Variants in SLC25A48 observed in about 807,000 individuals in gnomAD.
SLC25A48 encodes CTC-321K16.1.
SLC25A48 carries 29 observed loss-of-function variants against 32.2 expected under a neutral mutation model. The ratio of observed to expected loss-of-function variants is 0.90; its 90% CI spans 0.67 to 1.23. The LOEUF is 1.23. Ranked by LOEUF, SLC25A48 falls within the 50% of genes most tolerant of loss-of-function variation. The probability of loss-of-function intolerance (pLI) is 0.00; values close to 1 mark genes in which losing one functional copy is unlikely to be tolerated. For synonymous variants in SLC25A48, 164 were observed against 172.3 expected, an observed-to-expected ratio of 0.95 and a Z score of 0.38; for missense variants, 399 against 422.7, an observed-to-expected ratio of 0.94 and a Z score of 0.49.
At chr5:135,774,520 G>C (rs1255154584) in intron 3 of SLC25A48, among the ~76,000 whole-genome samples, 1 of 151,650 alleles carries the variant, frequency 6.6e-6, no homozygotes, top group African/African-American at 2.4e-5. Flanking sequence ...CATGCCCCCT[G>C]TGATATATTT....
chr5:135,840,024 G>T (rs1355056971), intron 1 of SLC25A48, among the ~76,000 whole-genome samples: 2 of 152,192 alleles, frequency 1.3e-5, no homozygotes, highest in Non-Finnish European at 2.9e-5. Flanking sequence ...AGCAGCATGA[G>T]AACAAACTAA....
At chr5:135,760,760 G>T (rs1000199223) in intron 3 of SLC25A48, among the ~76,000 whole-genome samples, 33 of 152,252 alleles carry the variant, frequency 2.2e-4, no homozygotes, top group African/African-American at 5.8e-4. Context: ...TTGAAGGAAA[G>T]AATTAATCTC....
intron 3 of SLC25A48, among the ~76,000 whole-genome samples, chr5:135,668,558 T>G (rs1349506576): frequency 6.6e-6 from 1 of 152,222 alleles, no homozygotes; most frequent in Non-Finnish European, 1.5e-5. Context: ...TACATGAGCC[T>G]GACATAGTGG....
At chr5:135,835,014 C>T in intron 1 of SLC25A48, 121 bp downstream of exon 1, 6 of 1,284,884 alleles carry the variant, frequency 4.7e-6, no homozygotes, top group Non-Finnish European at 6.6e-6. Context: ...TGCGCGCAGC[C>T]TGCTTTGGGG....
At chr5:135,773,619 T>C (rs1264054528) in intron 3 of SLC25A48, among the ~76,000 whole-genome samples, 1 of 151,496 alleles carries the variant, frequency 6.6e-6, no homozygotes, top group Non-Finnish European at 1.5e-5. Context: ...TGCGAGAAGA[T>C]TGATATTACT....
chr5:135,666,620 G>A (rs1364085811), intron 3 of SLC25A48, among the ~76,000 whole-genome samples: 2 of 151,686 alleles, frequency 1.3e-5, no homozygotes, highest in Non-Finnish European at 2.9e-5. Flanking sequence ...ATTTGGAAAA[G>A]CTTTGATTTC....
intron 6 of SLC25A48, among the ~76,000 whole-genome samples, chr5:135,877,263 C>T (rs1032914849): frequency 4.6e-5 from 7 of 152,106 alleles, no homozygotes; most frequent in Non-Finnish European, 8.8e-5. Context: ...TGGAGAGTTG[C>T]CATCTGAAAT....
chr5:135,653,771 G>A, intron 3 of SLC25A48: 1 of 455,904 alleles, frequency 2.2e-6, no homozygotes, highest in Non-Finnish European at 4.4e-6. Flanking sequence ...AAATCAGTAG[G>A]CCATGTCCAT....
In SLC25A48 at chr5:135,852,754, C is replaced by T. The variant is rs762342941; in HGVS notation, c.354C>T (p.Val118=). ...LASMVAGVVS[V]GLGGPVDLIK... ...GCATGGTGGCCGGCGTGGTCTCTGT[C>T]GGGCTGGGAGGGCCCGTGGACCTCA... Residue 118 remains valine, a synonymous_variant, in exon 4 of 8, where the codon GTC becomes GTT. Coordinates refer to ENST00000681962, the MANE Select transcript of SLC25A48 (RefSeq NM_001349336.2). 19 of 1,613,948 alleles carry T rather than the reference C, an allele frequency of 1.2e-5. No individual in the cohort carries two copies. In the Admixed American group the frequency reaches 2.7e-4, roughly 23 times the overall value.
intron 3 of SLC25A48, among the ~76,000 whole-genome samples, chr5:135,754,332 C>T (rs1169452140): frequency 3.3e-5 from 5 of 151,978 alleles, no homozygotes; most frequent in Admixed American, 6.6e-5. Context: ...TGTCTACACA[C>T]AGGGTTATTA....
intron 3 of SLC25A48, among the ~76,000 whole-genome samples, chr5:135,690,836 A>G (rs528976852): frequency 6.6e-6 from 1 of 152,340 alleles, no homozygotes; most frequent in African/African-American, 2.4e-5. Context: ...GTGGGGCCCA[A>G]GAGGCCCCAA....
chr5:135,834,660 G>A (rs1345204126), upstream of SLC25A48: 3 of 607,366 alleles, frequency 4.9e-6, no homozygotes, highest in Non-Finnish European at 8.6e-6. Context: ...GCCGCCCTCC[G>A]GCACTTGGAG....
At chr5:135,698,166 C>A (rs528023868) in intron 3 of SLC25A48, among the ~76,000 whole-genome samples, 1 of 152,362 alleles carries the variant, frequency 6.6e-6, no homozygotes, top group African/African-American at 2.4e-5. Context: ...GGGTGAGGGT[C>A]ACCTGACACC....
At chr5:135,611,730 A>G (rs1752077898) in intron 1 of SLC25A48, among the ~76,000 whole-genome samples, 1 of 152,066 alleles carries the variant, frequency 6.6e-6, no homozygotes, top group Non-Finnish European at 1.5e-5. Context: ...ACAAACAAAC[A>G]ACCTCACTTG....
intron 3 of SLC25A48, among the ~76,000 whole-genome samples, chr5:135,725,307 G>A (rs943797921): frequency 2.0e-5 from 3 of 152,202 alleles, no homozygotes; most frequent in Non-Finnish European, 4.4e-5. Flanking sequence ...GTGATGTGAA[G>A]GAGACAGTCT....
chr5:135,760,123 G>A (rs139631893), intron 3 of SLC25A48, among the ~76,000 whole-genome samples: 10 of 152,172 alleles, frequency 6.6e-5, no homozygotes, highest in East Asian at 3.9e-4. Flanking sequence ...GAGCCACCGC[G>A]CCCGGCCCCT....
chr5:135,651,372 G>T (rs1180106431), intron 3 of SLC25A48, among the ~76,000 whole-genome samples: 1 of 152,138 alleles, frequency 6.6e-6, no homozygotes, highest in East Asian at 1.9e-4. Context: ...TTTCCCCCAG[G>T]ACTCCCTCAG....
intron 1 of SLC25A48, 120 bp downstream of exon 1, chr5:135,835,013 C>T (rs1758379151): frequency 8.5e-6 from 11 of 1,297,984 alleles, no homozygotes; most frequent in Admixed American, 2.0e-5. Flanking sequence ...GTGCGCGCAG[C>T]CTGCTTTGGG....
chr5:135,886,636 T>TATATAAAA lies in SLC25A48; in HGVS notation c.*8-1395_*8-1394insTATAAAAA, dbSNP rs1554088462. ...ATATATATATATATATATATATATATAAAATATATATATGTGTGTGTGTGT... is the reference window on the plus strand; with the variant it reads ...ATATATATATATATATATATATATATATATAAAAAAAATATATATATGTGTGTGTGTGT... On this transcript the variant is annotated intron_variant, in intron 7 of 7. Transcript: ENST00000681962. 4.3e-4 allele frequency among the ~76,000 whole-genome samples: 13 copies of TATATAAAA among 30,118 alleles called. 2 individuals carry two copies. The highest frequency in any genetic ancestry group is 1.2e-3 in the South Asian group (1 of 834). 19.8% of individuals were successfully genotyped at this position (30,118 alleles called of 152,430 possible).
Sources: allele counts gnomAD v4.1 joint callset (sites outside exome capture counted in the v4.1 genomes callset), GRCh38; gene constraint gnomAD v4.1.1; transcripts MANE v1.5; gene names NCBI Gene and HGNC (gene_info 2026-07-23, HGNC 2026-07-21).